POU2F3: variants seen among roughly 807,000 people sequenced by gnomAD.
POU2F3 encodes the protein POU class 2 homeobox 3.
A neutral mutation model predicts 59.2 loss-of-function variants in POU2F3; 23 were observed. That is an observed-to-expected ratio of 0.39 (90% CI 0.28 to 0.55). POU2F3 has a LOEUF of 0.55. Ranked by LOEUF, POU2F3 falls within the 20% of genes least tolerant of loss-of-function variation. The pLI, the probability that POU2F3 is intolerant of heterozygous loss-of-function variation, is 0.66. For synonymous variants in POU2F3, 190 were observed against 214.6 expected (o/e 0.89, Z 1.00); for missense variants, 473 against 544.5 (o/e 0.87, Z 1.31).
At chr11:120,290,007 G>A (rs935761390) in intron 3 of POU2F3, among the ~76,000 whole-genome samples, 1 of 152,188 alleles carries the variant, frequency 6.6e-6, no homozygotes, top group Non-Finnish European at 1.5e-5. Flanking sequence ...GGACTAAACT[G>A]AAATGGAAGG....
chr11:120,248,827 A>G (rs1236808120), intron 2 of POU2F3, among the ~76,000 whole-genome samples: 1 of 152,236 alleles, frequency 6.6e-6, no homozygotes, highest in Non-Finnish European at 1.5e-5. Flanking sequence ...AAAGCTTATT[A>G]TGAGTCACAA....
At chr11:120,246,563 A>T (rs781646996) in intron 2 of POU2F3, 46 bp downstream of exon 2, 32 of 1,594,448 alleles carry the variant, frequency 2.0e-5, no homozygotes, top group African/African-American at 2.7e-5. Context: ...GGGGGAAGAG[A>T]GTTGTTGGGA....
intron 2 of POU2F3, among the ~76,000 whole-genome samples, chr11:120,252,728 T>C (rs1939164962): frequency 6.6e-6 from 1 of 152,162 alleles, no homozygotes; most frequent in African/African-American, 2.4e-5. Context: ...ATCCGTACCA[T>C]GACTTACAAC....
intron 10 of POU2F3, among the ~76,000 whole-genome samples, chr11:120,311,241 A>C (rs769565115): frequency 6.6e-6 from 1 of 152,232 alleles, no homozygotes; most frequent in African/African-American, 2.4e-5. Flanking sequence ...AAGGATTTTC[A>C]TAGGATATTG....
At chr11:120,288,876 TG>T (rs1940923594) in intron 3 of POU2F3, among the ~76,000 whole-genome samples, 1 of 133,080 alleles carries the variant, frequency 7.5e-6, no homozygotes, top group South Asian at 2.6e-4. Context: ...CATATATGGG[TG>T]TATGTCTGTT....
chr11:120,308,938 CAAAAAAAAAAAAAAAAAAAAAAAAAAA>C (rs386375076), intron 9 of POU2F3, among the ~76,000 whole-genome samples: 62 of 28,778 alleles, frequency 2.2e-3, no homozygotes, highest in African/African-American at 7.6e-3. Flanking sequence ...GACTCCGTCT[CAAAAAAAAAAAAAAAAAAAAAAAAAAA>C]AAAAAAAAAA....
intron 2 of POU2F3, among the ~76,000 whole-genome samples, chr11:120,267,431 A>G (rs1939873403): frequency 6.6e-6 from 1 of 152,112 alleles, no homozygotes; most frequent in Admixed American, 6.5e-5. Context: ...GATCTGATAT[A>G]TCATCATAGC....
intron 2 of POU2F3, among the ~76,000 whole-genome samples, chr11:120,264,145 A>G (rs938238070): frequency 3.3e-5 from 5 of 151,778 alleles, no homozygotes; most frequent in Non-Finnish European, 7.4e-5. Context: ...CTGAGGCTTG[A>G]GGCCCAGAGT....
At chr11:120,250,736 G>A (rs1351892071) in intron 2 of POU2F3, among the ~76,000 whole-genome samples, 1 of 152,202 alleles carries the variant, frequency 6.6e-6, no homozygotes, top group Non-Finnish European at 1.5e-5. Context: ...AGCACTTTGG[G>A]AGGCCAAGGC....
At chr11:120,272,980 G>A (rs1168804863) in intron 3 of POU2F3, among the ~76,000 whole-genome samples, 1 of 152,186 alleles carries the variant, frequency 6.6e-6, no homozygotes, top group African/African-American at 2.4e-5. Flanking sequence ...CAGTCTTCAT[G>A]TTACGGTGTC....
At chr11:120,238,324 T>G (rs894849981), upstream of POU2F3, among the ~76,000 whole-genome samples, 15 of 152,108 alleles carry the variant, frequency 9.9e-5, no homozygotes, top group Non-Finnish European at 1.3e-4. Context: ...TCCATGTGAC[T>G]GGGGAGGGTG....
chr11:120,256,813 T>G (rs1395292684), intron 2 of POU2F3: 1 of 152,208 alleles, frequency 6.6e-6, no homozygotes, highest in Admixed American at 6.5e-5. Context: ...GATCTAAAAG[T>G]CTTTTTTTCC....
At chr11:120,283,109 C>T (rs1940639136) in intron 3 of POU2F3, among the ~76,000 whole-genome samples, 1 of 152,220 alleles carries the variant, frequency 6.6e-6, no homozygotes, top group Non-Finnish European at 1.5e-5. Flanking sequence ...CCAGAGAAGG[C>T]TAACCACTCT....
chr11:120,275,422 C>A (rs1940277247), intron 3 of POU2F3, among the ~76,000 whole-genome samples: 1 of 152,066 alleles, frequency 6.6e-6, no homozygotes, highest in African/African-American at 2.4e-5. Flanking sequence ...GGGCCACCAG[C>A]TAACTTCAGA....
At chr11:120,308,048 T>C (rs953648014) in intron 9 of POU2F3, among the ~76,000 whole-genome samples, 2 of 152,326 alleles carry the variant, frequency 1.3e-5, no homozygotes, top group African/African-American at 2.4e-5. Flanking sequence ...ACAATTTAAG[T>C]GCAGGGAAGT....
upstream of POU2F3, chr11:120,236,815 A>G (rs191194937): frequency 3.2e-4 from 364 of 1,150,652 alleles, 1 homozygote; most frequent in Non-Finnish European, 1.9e-5. Flanking sequence ...CCTCAACCCT[A>G]TACACAGGTG....
chr11:120,241,354 C>T (rs1938654210), intron 1 of POU2F3, among the ~76,000 whole-genome samples: 1 of 152,208 alleles, frequency 6.6e-6, no homozygotes, highest in Admixed American at 6.5e-5. Context: ...GCTCCAGACC[C>T]ACCCCAAGAA....
At chr11:120,268,301 T>C (rs1422798374) in intron 2 of POU2F3, among the ~76,000 whole-genome samples, 1 of 152,168 alleles carries the variant, frequency 6.6e-6, no homozygotes. Context: ...TTAGACTTTT[T>C]CTGAACCAAA....
intron 2 of POU2F3, among the ~76,000 whole-genome samples, chr11:120,263,791 G>A (rs920222592): frequency 6.6e-5 from 10 of 152,144 alleles, no homozygotes; most frequent in Admixed American, 1.3e-4. Flanking sequence ...TTTCTGCAGC[G>A]GCAGCCATCT....
Sources: allele counts gnomAD v4.1 joint callset (sites outside exome capture counted in the v4.1 genomes callset), GRCh38; gene constraint gnomAD v4.1.1; transcripts MANE v1.5; gene names NCBI Gene and HGNC (gene_info 2026-07-23, HGNC 2026-07-21).